ROBO1: variants seen among roughly 807,000 people sequenced by gnomAD.
ROBO1 encodes the protein roundabout homolog 1.
In ROBO1, 149 loss-of-function variants were observed where a neutral mutation model predicts 195.9. That is an observed-to-expected ratio of 0.76 (90% confidence interval 0.67 to 0.87). ROBO1 has a LOEUF of 0.87. Among genes scored for constraint, ROBO1 ranks in the 40% least tolerant of loss-of-function variants. ROBO1 has a pLI of 0.00. For missense variants in ROBO1, 1,933 were observed against 2,068.3 expected (o/e 0.93, Z 1.27); for synonymous variants, 816 against 733.2 (o/e 1.11, Z -1.82).
chr3:78,599,300 T>C (rs972828964), intron 30 of ROBO1, among the ~76,000 whole-genome samples: 3 of 152,198 alleles, frequency 2.0e-5, no homozygotes, highest in African/African-American at 7.2e-5. Flanking sequence ...CCCAAAAGGC[T>C]ACTTCTATTT....
At chr3:79,272,919 A>G (rs561451956) in intron 2 of ROBO1, among the ~76,000 whole-genome samples, 60 of 152,250 alleles carry the variant, frequency 3.9e-4, no homozygotes, top group African/African-American at 1.1e-3. Flanking sequence ...AGATTTATCA[A>G]TGGAAATCTC....
At chr3:79,018,546 A>C in intron 3 of ROBO1, 5 of 1,585,416 alleles carry the variant, frequency 3.2e-6, no homozygotes, top group Non-Finnish European at 4.3e-6. Context: ...GCCACACACC[A>C]CACACAAAGG....
intron 1 of ROBO1, among the ~76,000 whole-genome samples, chr3:79,741,027 C>T (rs1369904005): frequency 6.6e-6 from 1 of 152,066 alleles, no homozygotes; most frequent in Non-Finnish European, 1.5e-5. Flanking sequence ...AATCCATTTC[C>T]CCAAATTTTG....
intron 2 of ROBO1, among the ~76,000 whole-genome samples, chr3:79,419,388 A>G (rs2038133335): frequency 6.6e-6 from 1 of 152,118 alleles, no homozygotes; most frequent in Non-Finnish European, 1.5e-5. Flanking sequence ...TCCAGCCTCC[A>G]GAAAGTGATG....
chr3:78,639,942 G>A (rs981560072), intron 21 of ROBO1, 44 bp from the exon 22 acceptor site: 51 of 1,400,026 alleles, frequency 3.6e-5, no homozygotes, highest in Non-Finnish European at 4.4e-5. Flanking sequence ...TATGAATAGA[G>A]AGTAATATTT....
At chr3:79,572,538 G>T (rs913682183) in intron 2 of ROBO1, among the ~76,000 whole-genome samples, 2 of 151,922 alleles carry the variant, frequency 1.3e-5, no homozygotes, top group Non-Finnish European at 2.9e-5. Context: ...CTGAAACTAT[G>T]CTTATCTTTT....
At chr3:78,842,744 A>G (rs1331442907) in intron 4 of ROBO1, among the ~76,000 whole-genome samples, 1 of 151,716 alleles carries the variant, frequency 6.6e-6, no homozygotes, top group Non-Finnish European at 1.5e-5. Flanking sequence ...AATGAGAACT[A>G]TCTTGCCTTG....
At chr3:79,546,935 A>C (rs1942285143) in intron 2 of ROBO1, among the ~76,000 whole-genome samples, 1 of 151,998 alleles carries the variant, frequency 6.6e-6, no homozygotes, top group African/African-American at 2.4e-5. Context: ...TAATCCCAGC[A>C]CCTTGGGAGG....
intron 2 of ROBO1, among the ~76,000 whole-genome samples, chr3:79,507,232 A>C (rs1476609091): frequency 6.6e-6 from 1 of 152,236 alleles, no homozygotes; most frequent in Non-Finnish European, 1.5e-5. Context: ...AGCTACGAAG[A>C]GGGTTCTTTG....
At chr3:79,589,764 A>T in intron 2 of ROBO1, 60 bp downstream of exon 2, 1 of 1,341,224 alleles carries the variant, frequency 7.5e-7, no homozygotes, top group Admixed American at 1.8e-5. Flanking sequence ...ATAAAAAGTG[A>T]ATTTAAAGCA....
chr3:79,383,950 CTTAA>C (rs1249789062), intron 2 of ROBO1, among the ~76,000 whole-genome samples: 10 of 151,956 alleles, frequency 6.6e-5, no homozygotes, highest in African/African-American at 1.7e-4. Context: ...ATATGCCCTA[CTTAA>C]TTAGTTAGTT....
chr3:79,602,563 CA>C (rs1553771955), intron 1 of ROBO1, among the ~76,000 whole-genome samples: 1 of 151,912 alleles, frequency 6.6e-6, no homozygotes, highest in Non-Finnish European at 1.5e-5. Flanking sequence ...CAAGTGATTT[CA>C]GAGCTACACA....
chr3:79,641,796 T>C (rs1187948126), intron 1 of ROBO1, among the ~76,000 whole-genome samples: 1 of 151,970 alleles, frequency 6.6e-6, no homozygotes, highest in Non-Finnish European at 1.5e-5. Context: ...TGTGGGTGGG[T>C]CACTTGAGCT....
chr3:78,634,984 G>C (rs886755013), intron 23 of ROBO1, among the ~76,000 whole-genome samples: 28 of 152,064 alleles, frequency 1.8e-4, no homozygotes, highest in South Asian at 4.1e-4. Context: ...CCTGGAATAG[G>C]TGGGGATGCA....
intron 2 of ROBO1, among the ~76,000 whole-genome samples, chr3:79,511,157 C>T (rs1048208131): frequency 2.0e-5 from 3 of 152,096 alleles, no homozygotes; most frequent in Admixed American, 6.6e-5. Context: ...ATCAAGAAAA[C>T]ACACAGCAGT....
At chr3:78,599,942 T>C in intron 30 of ROBO1, 171 bp downstream of exon 30, 1 of 670,738 alleles carries the variant, frequency 1.5e-6, no homozygotes. Context: ...TTGGGACACA[T>C]TTCAAGAAAA....
chr3:78,782,552 C>T (rs1346195693), intron 4 of ROBO1, among the ~76,000 whole-genome samples: 4 of 152,124 alleles, frequency 2.6e-5, no homozygotes. Context: ...TCTTCAAACT[C>T]TGCAACCTTA....
chr3:79,485,201 T>C (rs772265184), intron 2 of ROBO1, among the ~76,000 whole-genome samples: 1 of 152,196 alleles, frequency 6.6e-6, no homozygotes, highest in African/African-American at 2.4e-5. Context: ...GATGTTTGTA[T>C]GCATGAGTGC....
chr3:79,600,156 G>A (rs947920914), intron 1 of ROBO1, among the ~76,000 whole-genome samples: 5 of 151,960 alleles, frequency 3.3e-5, no homozygotes, highest in East Asian at 1.9e-4. Context: ...TTAGTGGGAC[G>A]CATGATGTCT....
Sources: allele counts gnomAD v4.1 joint callset (sites outside exome capture counted in the v4.1 genomes callset), GRCh38; gene constraint gnomAD v4.1.1; transcripts MANE v1.5; gene names NCBI Gene and HGNC (gene_info 2026-07-23, HGNC 2026-07-21).